PIK3R3: variants seen among roughly 807,000 people sequenced by gnomAD.
PIK3R3 encodes the protein phosphoinositide-3-kinase regulatory subunit 3, also known as phosphatidylinositol 3-kinase regulatory subunit gamma.
A neutral mutation model predicts 62.9 loss-of-function variants in PIK3R3; 64 were observed. The observed-to-expected ratio is 1.02, with a 90% CI of 0.83 to 1.25. PIK3R3 has a LOEUF of 1.25. Ranked by LOEUF, PIK3R3 falls within the 50% of genes most tolerant of loss-of-function variation. The pLI is 0.00. For missense variants in PIK3R3, 614 were observed against 561.6 expected (o/e 1.09, Z -0.94); for synonymous variants, 165 against 189.0 (o/e 0.87, Z 1.04).
At chr1:46,119,778 T>C (rs541856882) in intron 1 of PIK3R3, among the ~76,000 whole-genome samples, 27 of 139,448 alleles carry the variant, frequency 1.9e-4, no homozygotes, top group Admixed American at 1.6e-3. Flanking sequence ...TCCTAATTTT[T>C]TTTTTTTTTT....
At chr1:46,054,397 C>CAAAA (rs10649671) in intron 7 of PIK3R3, among the ~76,000 whole-genome samples, 1,848 of 78,560 alleles carry the variant, frequency 0.024, 71 homozygotes, top group Non-Finnish European at 0.032. Flanking sequence ...CTCCGCCTCA[C>CAAAA]AAAAAAAAAA....
chr1:46,150,733 T>C, the PIK3R3 span, among the ~76,000 whole-genome samples: 1 of 151,992 alleles, frequency 6.6e-6, no homozygotes, highest in Admixed American at 6.6e-5. Flanking sequence ...TTTATTTTGC[T>C]GTGGCTTCCA....
At chr1:46,156,470 A>AG in the PIK3R3 span, among the ~76,000 whole-genome samples, 1 of 151,988 alleles carries the variant, frequency 6.6e-6, no homozygotes, top group Non-Finnish European at 1.5e-5. Context: ...AAAAAAAAAA[A>AG]AAAAAAAGGT....
chr1:46,107,090 TCATGC>T (rs1202153958), intron 1 of PIK3R3, among the ~76,000 whole-genome samples: 2 of 152,102 alleles, frequency 1.3e-5, no homozygotes, highest in Non-Finnish European at 2.9e-5. Flanking sequence ...AATAAGCAGC[TCATGC>T]CTGTAATCTC....
chr1:46,061,890 T>C (rs774315652), intron 6 of PIK3R3, 39 bp downstream of exon 6: 14 of 1,580,164 alleles, frequency 8.9e-6, no homozygotes, highest in Non-Finnish European at 1.1e-5. Context: ...AAAGAAATCC[T>C]GTCTCACTGA....
At chr1:46,146,034 C>T in the PIK3R3 span, among the ~76,000 whole-genome samples, 1 of 152,208 alleles carries the variant, frequency 6.6e-6, no homozygotes, top group Non-Finnish European at 1.5e-5. Context: ...GAGCCAAAGC[C>T]GGGCCCTCTA....
chr1:46,084,155 A>G lies in PIK3R3; in HGVS notation c.107-3405T>C, dbSNP rs77827501. Among the ~76,000 whole-genome samples the G allele has an allele frequency of 1.2e-4, 18 of 152,364 alleles. No individual in the cohort carries two copies. The East Asian group carries it at 3.5e-3, about 29-fold the overall frequency. On this transcript the variant is annotated intron_variant, in intron 1 of 9. Coordinates refer to ENST00000262741, the MANE Select transcript of PIK3R3 (RefSeq NM_003629.4). ...TGAAAACATTTTGCTGAGTGAAAGAAGCCTGTCATGAAAGGCCAAATATTA... is the reference window on the plus strand; with the variant it reads ...TGAAAACATTTTGCTGAGTGAAAGAGGCCTGTCATGAAAGGCCAAATATTA...
At chr1:46,045,644 T>TTTTTTTTCTC (rs370501368) in intron 9 of PIK3R3, among the ~76,000 whole-genome samples, 2 of 82,596 alleles carry the variant, frequency 2.4e-5, no homozygotes, top group African/African-American at 4.7e-5. Flanking sequence ...TTTTTTTTTT[T>TTTTTTTTCTC]CAATTTAAGA....
intron 7 of PIK3R3, among the ~76,000 whole-genome samples, chr1:46,052,347 C>G (rs1425201080): frequency 1.3e-5 from 2 of 151,522 alleles, no homozygotes; most frequent in Admixed American, 6.6e-5. Flanking sequence ...ACTACAATAC[C>G]AAAAAAGGTA....
chr1:46,090,262 T>C (rs576916289), intron 1 of PIK3R3, among the ~76,000 whole-genome samples: 1 of 152,262 alleles, frequency 6.6e-6, no homozygotes, highest in East Asian at 1.9e-4. Context: ...TAGTGAGAGC[T>C]GATTGTTGTA....
intron 7 of PIK3R3, among the ~76,000 whole-genome samples, chr1:46,050,078 G>GCA (rs1239623475): frequency 2.1e-5 from 3 of 140,310 alleles, no homozygotes; most frequent in East Asian, 2.1e-4. Context: ...CCGAGATCGT[G>GCA]CCATTGCACT....
rs770634040 is a variant in PIK3R3 at position 46,131,739 on chromosome 1, C to T, written c.106+108G>A. Reference sequence around the variant, plus strand: ...AGCTGTAACTGCAAATCTCCTCATCCCGAACCTAGCGCACCCAGGAATACT... The same window carrying T: ...AGCTGTAACTGCAAATCTCCTCATCTCGAACCTAGCGCACCCAGGAATACT... On this transcript the variant is annotated intron_variant, in intron 1 of 9. Coordinates refer to ENST00000262741, the MANE Select transcript of PIK3R3 (RefSeq NM_003629.4). 11 of 1,047,424 alleles carry T rather than the reference C, an allele frequency of 1.1e-5. No individual in the cohort carries two copies. In the South Asian group the frequency reaches 1.4e-4, roughly 13 times the overall value. The allele number at this position is 1,047,424 out of a possible 1,614,324, so 64.9% of individuals were successfully genotyped here.
intron 7 of PIK3R3, chr1:46,046,999 G>A (rs865867178): frequency 1.7e-5 from 4 of 229,838 alleles, no homozygotes; most frequent in East Asian, 1.0e-4. Context: ...TAAGCCTGAG[G>A]ACACACTTCC....
chr1:46,113,915 G>C (rs1430195288), intron 1 of PIK3R3, among the ~76,000 whole-genome samples: 1 of 152,156 alleles, frequency 6.6e-6, no homozygotes, highest in East Asian at 1.9e-4. Context: ...GTGGTAGGTA[G>C]TACAGTATCT....
intron 1 of PIK3R3, among the ~76,000 whole-genome samples, chr1:46,086,351 G>C (rs771445351): frequency 1.7e-4 from 26 of 151,880 alleles, no homozygotes; most frequent in Non-Finnish European, 3.5e-4. Context: ...AGCTACTCGG[G>C]AGGCTGAGAT....
the PIK3R3 span, among the ~76,000 whole-genome samples, chr1:46,162,563 CA>C: frequency 6.6e-6 from 1 of 151,956 alleles, no homozygotes; most frequent in East Asian, 1.9e-4. Context: ...ACATATACCC[CA>C]AAATTTAAAA....
rs541995192 is a variant in PIK3R3, at chr1:46,041,176, A to G, written c.*2497T>C. 3 of 154,134 alleles carry G rather than the reference A, an allele frequency of 1.9e-5. No individual in the cohort carries two copies. In the South Asian group the frequency reaches 6.2e-4, roughly 32 times the overall value. The allele number at this position is 154,134 out of a possible 1,614,324, so 9.5% of individuals were successfully genotyped here. Reference sequence around the variant, plus strand: ...GGAGGCCAAGACCTGCTCCCAAGTCATGGGCGTAGAGAAGCACCTTGCTAC... The same window carrying G: ...GGAGGCCAAGACCTGCTCCCAAGTCGTGGGCGTAGAGAAGCACCTTGCTAC... On this transcript the variant is annotated 3_prime_UTR_variant, in exon 10 of 10. Transcript: ENST00000262741.
At chr1:46,124,106 G>A (rs1443010531) in intron 1 of PIK3R3, among the ~76,000 whole-genome samples, 2 of 152,186 alleles carry the variant, frequency 1.3e-5, no homozygotes, top group African/African-American at 2.4e-5. Flanking sequence ...AGTACCCAAA[G>A]AGGTAGACAT....
intron 1 of PIK3R3, among the ~76,000 whole-genome samples, chr1:46,102,111 G>A (rs937788359): frequency 4.1e-5 from 6 of 144,876 alleles, no homozygotes; most frequent in Non-Finnish European, 7.5e-5. Flanking sequence ...TCAGCCTCCC[G>A]AGTAGCTGGG....
Sources: allele counts gnomAD v4.1 joint callset (sites outside exome capture counted in the v4.1 genomes callset), GRCh38; gene constraint gnomAD v4.1.1; transcripts MANE v1.5; gene names NCBI Gene and HGNC (gene_info 2026-07-23, HGNC 2026-07-21).